STON2: variants seen among roughly 807,000 people sequenced by gnomAD.
The protein encoded by STON2 is stonin 2, also known as stonin-2.
STON2 carries 29 observed loss-of-function variants against 65.7 expected under a neutral mutation model. The observed-to-expected ratio is 0.44, with a 90% CI of 0.33 to 0.60. The LOEUF (loss-of-function observed/expected upper bound fraction) is 0.60. Among genes scored for constraint, STON2 ranks in the 20% least tolerant of loss-of-function variants. The pLI is 0.03. For missense variants in STON2, 1,054 were observed against 1,118.1 expected (o/e 0.94, Z 0.82); for synonymous variants, 404 against 414.2 (o/e 0.98, Z 0.30).
chr14:81,430,440 A>T (rs574150938), intron 1 of STON2, among the ~76,000 whole-genome samples: 4 of 152,312 alleles, frequency 2.6e-5, no homozygotes, highest in African/African-American at 9.6e-5. Context: ...AGCCATTAGC[A>T]ATCTGCAAAG....
chr14:81,289,082 G>A (rs1270247013), intron 5 of STON2, among the ~76,000 whole-genome samples: 1 of 152,140 alleles, frequency 6.6e-6, no homozygotes, highest in Admixed American at 6.5e-5. Context: ...CAGCAACAAC[G>A]CAGGATGCTT....
rs559325638 is a variant in STON2, at chr14:81,433,048, G to T, written c.-310+3273C>A. ...ACTGACTGATTCAGGAACTCAGGGG[G>T]CCAGGCCCAGCAATCTGCATTTTCT... On this transcript the variant is annotated intron_variant, in intron 1 of 8. Transcript: ENST00000553821. Among the ~76,000 whole-genome samples, 26 of 152,296 alleles carry T rather than the reference G, an allele frequency of 1.7e-4. No individual in the cohort carries two copies. In the East Asian group the frequency reaches 5.0e-3, roughly 29 times the overall value.
At chr14:81,424,021 G>C (rs550791860) in intron 2 of STON2, among the ~76,000 whole-genome samples, 1 of 152,326 alleles carries the variant, frequency 6.6e-6, no homozygotes, top group South Asian at 2.1e-4. Context: ...TAAATGTGGA[G>C]AGCAGGTATG....
chr14:81,344,502 T>C (rs1379496521), intron 4 of STON2, among the ~76,000 whole-genome samples: 1 of 152,268 alleles, frequency 6.6e-6, no homozygotes, highest in Non-Finnish European at 1.5e-5. Context: ...ATAATTTCCA[T>C]GACTGCATAG....
Position 81,275,487 on chromosome 14 carries a change from GGA to G in STON2, c.2581+1412_2581+1413del, listed in dbSNP as rs565581890. 2.0e-5 allele frequency among the ~76,000 whole-genome samples: 3 copies of G among 152,182 alleles called. No individual in the cohort carries two copies. The East Asian group carries it at 5.8e-4, about 29-fold the overall frequency. ...TCTTTCCAAGGGCTTCCGTGTCAAAGGAGAGTTCAGGGTTTTCTCTCTTCCTC... is the reference window on the plus strand; with the variant it reads ...TCTTTCCAAGGGCTTCCGTGTCAAAGGAGTTCAGGGTTTTCTCTCTTCCTC... On this transcript the variant is annotated intron_variant, in intron 6 of 7. Transcript: ENST00000614646.
intron 7 of STON2, chr14:81,269,626 C>T (rs1894492403): frequency 7.1e-6 from 7 of 985,262 alleles, no homozygotes; most frequent in Non-Finnish European, 8.4e-6. Context: ...GTGTTTGTTC[C>T]TTTTGGTAGT....
intron 3 of STON2, among the ~76,000 whole-genome samples, chr14:81,382,598 C>G (rs1309504652): frequency 2.0e-5 from 3 of 152,126 alleles, no homozygotes; most frequent in African/African-American, 7.2e-5. Context: ...TAGGGAAACA[C>G]GCAGGGCCTC....
intron 4 of STON2, among the ~76,000 whole-genome samples, chr14:81,358,512 G>A (rs1214514324): frequency 6.6e-6 from 1 of 151,920 alleles, no homozygotes; most frequent in African/African-American, 2.4e-5. Context: ...CAACCAGAAG[G>A]CAATTAATAA....
intron 1 of STON2, among the ~76,000 whole-genome samples, chr14:81,433,744 T>G (rs1019781932): frequency 6.6e-6 from 1 of 152,234 alleles, no homozygotes; most frequent in African/African-American, 2.4e-5. Flanking sequence ...AAGCTGTTTC[T>G]TAAGCCTCAG....
At chr14:81,280,284 G>A (rs1371104468) in intron 5 of STON2, among the ~76,000 whole-genome samples, 3 of 152,196 alleles carry the variant, frequency 2.0e-5, no homozygotes, top group Non-Finnish European at 4.4e-5. Context: ...TGTGGGAAGG[G>A]AGGGGAAATG....
intron 4 of STON2, among the ~76,000 whole-genome samples, chr14:81,356,578 A>G (rs1241136947): frequency 8.5e-5 from 13 of 152,156 alleles, no homozygotes; most frequent in Non-Finnish European, 1.5e-4. Context: ...GTTTCAGAAG[A>G]AATGGTACCA....
chr14:81,298,087 T>A (rs1055232379), intron 5 of STON2, among the ~76,000 whole-genome samples: 5 of 152,050 alleles, frequency 3.3e-5, no homozygotes, highest in African/African-American at 9.7e-5. Flanking sequence ...CATTAAGTAC[T>A]GAGAAAGAGG....
chr14:81,292,380 T>C (rs1479191737), intron 5 of STON2, among the ~76,000 whole-genome samples: 1 of 152,154 alleles, frequency 6.6e-6, no homozygotes, highest in Non-Finnish European at 1.5e-5. Context: ...CCAGGTGATA[T>C]GGTTTGGCTG....
intron 6 of STON2, among the ~76,000 whole-genome samples, chr14:81,274,702 G>C (rs987144299): frequency 6.6e-6 from 1 of 151,976 alleles, no homozygotes; most frequent in Admixed American, 6.6e-5. Context: ...TCGGGAGTAC[G>C]AGGCAGGCGG....
At position 81,278,070 on chromosome 14, in the gene STON2, G is replaced by C; in HGVS notation, c.1412C>G (p.Ala471Gly). The change falls in exon 6 of 8, where the codon GCT becomes GGT. Residue 471 changes from alanine (A) to glycine (G), a missense_variant. Transcript: ENST00000614646. ...GGACCGTGCTGATCCAGGCGGGTGA[G>C]CATCTAGTTCAATCCAGGCTACTGG... ...DDPVAWIELD[A>G]HPPGSARSQP... 6.2e-7 allele frequency: 1 copy of C among 1,614,200 alleles called. No homozygotes were observed. The highest frequency in any genetic ancestry group is 8.5e-7 in the Non-Finnish European group (1 of 1,180,036).
At chr14:81,334,599 C>T (rs186141129) in intron 4 of STON2, among the ~76,000 whole-genome samples, 21 of 152,284 alleles carry the variant, frequency 1.4e-4, no homozygotes, top group Admixed American at 4.6e-4. Context: ...TCCAAAATGC[C>T]CTTTCTGGGC....
chr14:81,364,997 A>G (rs896799205), intron 4 of STON2, among the ~76,000 whole-genome samples: 1 of 152,166 alleles, frequency 6.6e-6, no homozygotes, highest in African/African-American at 2.4e-5. Context: ...TTCCTTGTCT[A>G]TGAGGAACAT....
intron 2 of STON2, among the ~76,000 whole-genome samples, chr14:81,419,798 G>A (rs1394452005): frequency 2.6e-5 from 4 of 152,226 alleles, no homozygotes; most frequent in African/African-American, 9.6e-5. Flanking sequence ...CTACACTAGT[G>A]TTTTACAGCA....
chr14:81,308,703 G>C (rs1427885991), intron 5 of STON2, among the ~76,000 whole-genome samples: 1 of 149,734 alleles, frequency 6.7e-6, no homozygotes, highest in Non-Finnish European at 1.5e-5. Context: ...TTTGGTGCAA[G>C]GGAGAATAAA....
Sources: gnomAD v4.1 joint callset for allele counts (sites outside exome capture counted in the v4.1 genomes callset) on GRCh38, gnomAD v4.1.1 for gene constraint, MANE v1.5 for transcripts, NCBI Gene and HGNC (gene_info 2026-07-23, HGNC 2026-07-21) for gene names.